CCDC7: variants seen among roughly 807,000 people sequenced by gnomAD.
The protein encoded by CCDC7 is coiled-coil domain-containing protein 7.
CCDC7 carries 183 observed loss-of-function variants against 196.9 expected under a neutral mutation model. The observed-to-expected ratio is 0.93, with a 90% confidence interval of 0.82 to 1.05. The LOEUF is 1.05. Ranked by LOEUF, CCDC7 falls within the 50% of genes least tolerant of loss-of-function variation. The probability of loss-of-function intolerance (pLI) is 0.00; values close to 1 mark genes in which losing one functional copy is unlikely to be tolerated. For missense variants in CCDC7, 1,540 were observed against 1,482.2 expected (o/e 1.04, Z -0.64); for synonymous variants, 525 against 484.6 (o/e 1.08, Z -1.10).
At chr10:32,549,462 G>C (rs988306890) in intron 13 of CCDC7, among the ~76,000 whole-genome samples, 1 of 152,002 alleles carries the variant, frequency 6.6e-6, no homozygotes, top group African/African-American at 2.4e-5. Context: ...ATTTGCTTTT[G>C]GGTTCCTGGT....
intron 8 of CCDC7, chr10:32,481,827 A>C (rs2040016584): frequency 6.6e-6 from 1 of 152,126 alleles, no homozygotes; most frequent in Non-Finnish European, 1.5e-5. Flanking sequence ...AGAACTTTGA[A>C]AATATCTTCT....
chr10:32,833,868 C>T (rs1593267340), intron 32 of CCDC7, among the ~76,000 whole-genome samples: 3 of 152,054 alleles, frequency 2.0e-5, no homozygotes, highest in African/African-American at 7.2e-5. Flanking sequence ...CAGAGCAAAA[C>T]TTCTACTCTA....
At chr10:32,574,951 C>T (rs1442072324) in intron 16 of CCDC7, among the ~76,000 whole-genome samples, 1 of 152,072 alleles carries the variant, frequency 6.6e-6, no homozygotes, top group Non-Finnish European at 1.5e-5. Context: ...CTTTTGTCAC[C>T]TTCATATGTC....
At chr10:32,756,386 C>T (rs943846894) in intron 28 of CCDC7, among the ~76,000 whole-genome samples, 1 of 152,188 alleles carries the variant, frequency 6.6e-6, no homozygotes, top group African/African-American at 2.4e-5. Context: ...AAAGGGAAGG[C>T]CATCAGACTA....
At chr10:32,474,145 T>A (rs2133965930) in intron 8 of CCDC7, 122 bp downstream of exon 9, 1 of 857,870 alleles carries the variant, frequency 1.2e-6, no homozygotes, top group South Asian at 3.4e-5. Flanking sequence ...AGCCATATAG[T>A]TGAGCTGGTT....
intron 28 of CCDC7, among the ~76,000 whole-genome samples, chr10:32,739,757 G>A (rs1237347427): frequency 6.6e-6 from 1 of 151,566 alleles, no homozygotes. Flanking sequence ...TAAGCATTTA[G>A]TGTAATATGG....
At chr10:32,822,528 G>A (rs2090431528) in intron 31 of CCDC7, among the ~76,000 whole-genome samples, 1 of 151,850 alleles carries the variant, frequency 6.6e-6, no homozygotes, top group Non-Finnish European at 1.5e-5. Flanking sequence ...AAGGCATAAA[G>A]TTATACAAAG....
At chr10:32,795,692 G>A (rs1468311627) in intron 29 of CCDC7, among the ~76,000 whole-genome samples, 1 of 152,020 alleles carries the variant, frequency 6.6e-6, no homozygotes, top group Non-Finnish European at 1.5e-5. Context: ...GCTTGTTTTG[G>A]GTTTTATTAG....
chr10:32,779,092 T>C lies in CCDC7; in HGVS notation c.3013+8T>C, dbSNP rs2080607207. On this transcript the variant is annotated splice_region_variant and intron_variant, in intron 29 of 41. Transcript: ENST00000639629. ...ATTTAAACAAAGTGGTCGGTAAGTA[T>C]AGATTTATGTTTGGATACAGTAGAA... 1.3e-6 allele frequency: 2 copies of C among 1,514,648 alleles called. No individual in the cohort carries two copies. 93.8% of individuals were successfully genotyped at this position (1,514,648 alleles called of 1,614,324 possible). A position where few individuals can be genotyped will look rare whatever the true frequency, so the allele number is the denominator to read the frequency against.
intron 4 of CCDC7, 30 bp from the exon 6 acceptor site, chr10:32,462,987 T>C: frequency 6.2e-7 from 1 of 1,611,016 alleles, no homozygotes; most frequent in Non-Finnish European, 8.5e-7. Context: ...TCACTATTTC[T>C]TTTTTTGTCC....
chr10:32,664,882 A>T (rs1239568725), intron 21 of CCDC7, among the ~76,000 whole-genome samples: 5 of 152,122 alleles, frequency 3.3e-5, no homozygotes, highest in African/African-American at 1.2e-4. Context: ...TTTTTGAGGA[A>T]TCCCTGTAGT....
intron 8 of CCDC7, chr10:32,481,668 C>A (rs766486306): frequency 1.3e-5 from 2 of 152,130 alleles, no homozygotes; most frequent in Non-Finnish European, 2.9e-5. Context: ...CCTTTCATTT[C>A]AGATTGAAGA....
At chr10:32,566,125 A>G (rs545049693) in intron 14 of CCDC7, among the ~76,000 whole-genome samples, 1 of 152,306 alleles carries the variant, frequency 6.6e-6, no homozygotes, top group Admixed American at 6.5e-5. Flanking sequence ...TTTGCCTACC[A>G]TCTTGGTAAA....
chr10:32,558,598 C>T (rs192707427), intron 13 of CCDC7, among the ~76,000 whole-genome samples: 11 of 152,316 alleles, frequency 7.2e-5, no homozygotes, highest in Non-Finnish European at 1.3e-4. Flanking sequence ...TGCCCTCAAA[C>T]TAAAAGCCAC....
At chr10:32,616,673 G>T (rs998630577) in intron 18 of CCDC7, among the ~76,000 whole-genome samples, 1 of 151,196 alleles carries the variant, frequency 6.6e-6, no homozygotes, top group Non-Finnish European at 1.5e-5. Flanking sequence ...TTGCATGATT[G>T]CTTTGGTGAG....
intron 8 of CCDC7, among the ~76,000 whole-genome samples, chr10:32,482,678 G>C (rs537709186): frequency 6.6e-6 from 1 of 151,834 alleles, no homozygotes; most frequent in Non-Finnish European, 1.5e-5. Flanking sequence ...GCCCCGGTGT[G>C]TGATGTTCCC....
chr10:32,845,467 A>G lies in CCDC7; in HGVS notation c.3437-76A>G, dbSNP rs565849522. 8.4e-5 allele frequency: 114 copies of G among 1,352,910 alleles called. No individual in the cohort carries two copies. The African/African-American group carries it at 1.6e-3, about 18-fold the overall frequency. The allele number at this position is 1,352,910 out of a possible 1,614,324, so 83.8% of individuals were successfully genotyped here. A position where few individuals can be genotyped will look rare whatever the true frequency, so the allele number is the denominator to read the frequency against. On this transcript the variant is annotated intron_variant, in intron 34 of 41. Transcript: ENST00000639629. Reference sequence around the variant, plus strand: ...AATTATTCATGAATATCCTCCTATAATTAAACACAAAAACACACACAAGTA... The same window carrying G: ...AATTATTCATGAATATCCTCCTATAGTTAAACACAAAAACACACACAAGTA...
chr10:32,634,234 A>G lies in CCDC7; in HGVS notation c.1802-20A>G. 9.3e-7 allele frequency: 1 copy of G among 1,073,890 alleles called. No individual in the cohort carries two copies. The highest frequency in any genetic ancestry group is 1.2e-6 in the Non-Finnish European group (1 of 844,348). The allele number at this position is 1,073,890 out of a possible 1,614,324, so 66.5% of individuals were successfully genotyped here. A position where few individuals can be genotyped will look rare whatever the true frequency, so the allele number is the denominator to read the frequency against. The stretch of plus-strand genomic sequence containing the variant: ...GAGCTCTTTCTCTATTTGGTAGACT[A>G]AATGAATCTTTTTATGTAGCTGACA... On this transcript the variant is annotated intron_variant, in intron 18 of 41. Transcript: ENST00000639629.
At chr10:32,517,648 T>TAGG (rs1248862331) in intron 9 of CCDC7, among the ~76,000 whole-genome samples, 5 of 145,158 alleles carry the variant, frequency 3.4e-5, no homozygotes, top group African/African-American at 1.3e-4. Flanking sequence ...GGGATAGCAT[T>TAGG]AGGAGATATA....
Sources: allele counts gnomAD v4.1 joint callset (sites outside exome capture counted in the v4.1 genomes callset), GRCh38; gene constraint gnomAD v4.1.1; transcripts MANE v1.5; gene names NCBI Gene and HGNC (gene_info 2026-07-23, HGNC 2026-07-21).